Variants in CEP112 observed in about 807,000 individuals in gnomAD.
CEP112 encodes centrosomal protein of 112 kDa.
CEP112 carries 127 observed loss-of-function variants against 153.0 expected under a neutral mutation model. The ratio of observed to expected loss-of-function variants is 0.83; its 90% CI spans 0.72 to 0.96. The LOEUF (loss-of-function observed/expected upper bound fraction) is 0.96. CEP112 is among the 40% of genes least tolerant of loss of function. The pLI is 0.00. For synonymous variants in CEP112, 358 were observed against 374.4 expected, an observed-to-expected ratio of 0.96 and a Z score of 0.51; for missense variants, 1,089 against 1,101.2, an observed-to-expected ratio of 0.99 and a Z score of 0.16.
intron 24 of CEP112, among the ~76,000 whole-genome samples, chr17:65,659,742 G>C (rs2046250873): frequency 6.6e-6 from 1 of 152,104 alleles, no homozygotes; most frequent in African/African-American, 2.4e-5. Context: ...CTTTCTGAAA[G>C]AAAAAAGCTT....
At chr17:66,158,448 T>C (rs538517002) in intron 4 of CEP112, among the ~76,000 whole-genome samples, 6 of 151,836 alleles carry the variant, frequency 4.0e-5, no homozygotes, top group Middle Eastern at 3.4e-3. Context: ...CCATCTCTAC[T>C]AAAAATACAA....
intron 18 of CEP112, among the ~76,000 whole-genome samples, chr17:65,959,398 C>A (rs1447313573): frequency 6.6e-6 from 1 of 152,218 alleles, no homozygotes; most frequent in Non-Finnish European, 1.5e-5. Context: ...GCTTACCCTC[C>A]ACTTGTCTGC....
chr17:65,864,524 C>T (rs2058418691), intron 20 of CEP112, among the ~76,000 whole-genome samples: 1 of 152,206 alleles, frequency 6.6e-6, no homozygotes, highest in South Asian at 2.1e-4. Flanking sequence ...CAGCTGGTCA[C>T]AAACACAATT....
chr17:65,920,359 C>CAAACAAACAAAAA (rs1178505560), intron 19 of CEP112, among the ~76,000 whole-genome samples: 4 of 29,830 alleles, frequency 1.3e-4, no homozygotes, highest in African/African-American at 3.9e-4. Context: ...AACAAACAAA[C>CAAACAAACAAAAA]AAAATATATA....
intron 24 of CEP112, among the ~76,000 whole-genome samples, chr17:65,658,022 A>G (rs1598220165): frequency 6.6e-6 from 1 of 152,236 alleles, no homozygotes; most frequent in East Asian, 1.9e-4. Flanking sequence ...ACCCCACATT[A>G]TGAACACCTT....
In CEP112 at chr17:66,172,902, A is replaced by G. The variant is rs748263616; in HGVS notation, c.470+2142T>C. ...ATATAAGGATATCCTTCACTTCTACAAAGACATAGTGTCTGTCTCTCCCCT... is the reference window on the plus strand; with the variant it reads ...ATATAAGGATATCCTTCACTTCTACGAAGACATAGTGTCTGTCTCTCCCCT... On this transcript the variant is annotated intron_variant, in intron 4 of 26. Coordinates refer to ENST00000535342, the MANE Select transcript of CEP112 (RefSeq NM_001199165.4). 1.3e-5 allele frequency among the ~76,000 whole-genome samples: 2 copies of G among 152,152 alleles called. 1 individual carries two copies. Among genetic ancestry groups the G allele is most frequent in the Non-Finnish European group, 2.9e-5 (2 of 68,022 alleles).
intron 17 of CEP112, among the ~76,000 whole-genome samples, chr17:65,970,655 TTACA>T (rs2062701297): frequency 1.3e-5 from 2 of 151,986 alleles, no homozygotes; most frequent in Admixed American, 1.3e-4. Flanking sequence ...CGCATGTATA[TTACA>T]TACATGCATA....
intron 17 of CEP112, among the ~76,000 whole-genome samples, chr17:65,971,112 T>C (rs1262065725): frequency 6.6e-6 from 1 of 152,198 alleles, no homozygotes; most frequent in Non-Finnish European, 1.5e-5. Flanking sequence ...CATTGCATGT[T>C]CCTTGCGTGT....
In CEP112 at chr17:66,036,457, C is replaced by T. The variant is rs75332945; in HGVS notation, c.1219-6434G>A. ...TACATGTAAAATTCTTGCCCAATAACCAAGGCTTCATGGACCACCGACGTA... is the reference window on the plus strand; with the variant it reads ...TACATGTAAAATTCTTGCCCAATAATCAAGGCTTCATGGACCACCGACGTA... On this transcript the variant is annotated intron_variant, in intron 12 of 26. Transcript: ENST00000535342. Among the ~76,000 whole-genome samples, 204 of 152,094 alleles carry T rather than the reference C, an allele frequency of 1.3e-3. 1 individual carries two copies. Among genetic ancestry groups the T allele is most frequent in the African/African-American group, 4.8e-3 (198 of 41,464 alleles).
chr17:66,066,837 GT>G lies in CEP112; in HGVS notation c.895del (p.Thr299LeufsTer24). The G allele has an allele frequency of 6.5e-7, 1 of 1,546,860 alleles. No homozygotes were observed. Among genetic ancestry groups the G allele is most frequent in the African/African-American group, 1.4e-5 (1 of 71,230 alleles). ...TTCATGTTGTTTACTCCTGTATAAA[GT>G]TTTCAGTTCTTCTATTTCATTATTC... is the stretch of plus-strand genomic sequence containing the variant. ...RKNNEIEELK[T>X]LYRSKQHETE... is the part of the protein sequence containing the mutation. On this transcript the variant is annotated frameshift_variant, in exon 10 of 27. Coordinates refer to ENST00000535342, the MANE Select transcript of CEP112 (RefSeq NM_001199165.4). LOFTEE classifies it high-confidence loss of function.
chr17:66,055,177 ATG>A (rs2066629515), intron 11 of CEP112, among the ~76,000 whole-genome samples: 1 of 152,240 alleles, frequency 6.6e-6, no homozygotes, highest in East Asian at 1.9e-4. Flanking sequence ...CCTGTGAGAG[ATG>A]GAAGCTAGGG....
At chr17:65,762,864 G>A (rs2052696352) in intron 21 of CEP112, among the ~76,000 whole-genome samples, 1 of 151,940 alleles carries the variant, frequency 6.6e-6, no homozygotes, top group Non-Finnish European at 1.5e-5. Context: ...CAATTATGAA[G>A]AAAAATAAAA....
At chr17:65,909,785 A>G (rs1244764507) in intron 19 of CEP112, among the ~76,000 whole-genome samples, 1 of 152,214 alleles carries the variant, frequency 6.6e-6, no homozygotes, top group Non-Finnish European at 1.5e-5. Flanking sequence ...GGAAAGAAAG[A>G]GAAGATTCTG....
intron 21 of CEP112, among the ~76,000 whole-genome samples, chr17:65,770,245 A>G (rs2053259577): frequency 6.6e-6 from 1 of 152,036 alleles, no homozygotes; most frequent in Non-Finnish European, 1.5e-5. Context: ...ATAAAATCTT[A>G]TAAGAAGCCA....
At chr17:65,712,704 G>A (rs1038442894) in intron 23 of CEP112, among the ~76,000 whole-genome samples, 3 of 152,128 alleles carry the variant, frequency 2.0e-5, no homozygotes, top group African/African-American at 7.2e-5. Flanking sequence ...TGTAAATAGT[G>A]ACCAAAATAG....
At chr17:66,063,107 TA>T in intron 10 of CEP112, 26 bp from the exon 11 acceptor site, 1 of 1,197,956 alleles carries the variant, frequency 8.3e-7, no homozygotes. Context: ...AAAACATAGT[TA>T]AACCAATTCT....
At chr17:65,978,362 G>T (rs1316314265) in intron 17 of CEP112, among the ~76,000 whole-genome samples, 2 of 152,194 alleles carry the variant, frequency 1.3e-5, no homozygotes, top group African/African-American at 4.8e-5. Context: ...TGACATAAAG[G>T]TAAACATTGG....
intron 6 of CEP112, among the ~76,000 whole-genome samples, chr17:66,115,096 T>C (rs1178627980): frequency 6.6e-6 from 1 of 151,938 alleles, no homozygotes; most frequent in Non-Finnish European, 1.5e-5. Context: ...TCCTAGCTAC[T>C]CAGGAGGCTG....
intron 4 of CEP112, among the ~76,000 whole-genome samples, chr17:66,166,267 T>C (rs2071952901): frequency 6.6e-6 from 1 of 152,182 alleles, no homozygotes; most frequent in South Asian, 2.1e-4. Flanking sequence ...AGCAACGTGT[T>C]TCTTCCATTG....
Sources: gnomAD v4.1 joint callset for allele counts (sites outside exome capture counted in the v4.1 genomes callset) on GRCh38, gnomAD v4.1.1 for gene constraint, MANE v1.5 for transcripts, NCBI Gene and HGNC (gene_info 2026-07-23, HGNC 2026-07-21) for gene names.